Variants in PPIL4 observed in about 807,000 individuals in gnomAD.
PPIL4 encodes the protein peptidyl-prolyl cis-trans isomerase-like 4.
PPIL4 carries 50 observed loss-of-function variants against 69.1 expected under a neutral mutation model. The observed-to-expected ratio is 0.72, with a 90% confidence interval of 0.58 to 0.92. The LOEUF (loss-of-function observed/expected upper bound fraction) is 0.92. PPIL4 is among the 40% of genes least tolerant of loss of function. The pLI is 0.00. For missense variants in PPIL4, 480 were observed against 587.9 expected (o/e 0.82, Z 1.90); for synonymous variants, 193 against 191.6 (o/e 1.01, Z -0.06).
chr6:149,523,810 T>C (rs1203456516), intron 9 of PPIL4, among the ~76,000 whole-genome samples: 1 of 152,174 alleles, frequency 6.6e-6, no homozygotes, highest in African/African-American at 2.4e-5. Context: ...AAATAAATAA[T>C]AGATTCTATA....
Position 149,514,833 on chromosome 6 carries a change from AT to A in PPIL4, c.1079+2520del, listed in dbSNP as rs546149565. Among the ~76,000 whole-genome samples, 768 of 150,506 alleles carry A rather than the reference AT, an allele frequency of 5.1e-3. 5 individuals are homozygous for A. The highest frequency in any genetic ancestry group is 0.017 in the African/African-American group (696 of 40,934). On this transcript the variant is annotated intron_variant, in intron 11 of 12. Transcript: ENST00000253329. ...TGTATTGGGTTAAGACAAAAACTGT[AT>A]TTTTTTTAATTTTTTTTTTGAGACG...
chr6:149,512,189 T>C lies in PPIL4; in HGVS notation c.1193A>G (p.Asp398Gly). The change falls in exon 12 of 13, where the codon GAT becomes GGT. Residue 398 changes from aspartate to glycine, a missense_variant. Asp to Gly is a moderately conservative substitution (Grantham distance 94, BLOSUM62 -1). Coordinates refer to ENST00000253329, the MANE Select transcript of PPIL4 (RefSeq NM_139126.4). ...KTHHCSEEKE[D>G]EDYMPIKNTN... ...ATTTTTGATTGGCATGTAGTCCTCA[T>C]CTTCTTTCTCTTCAGAACAGTGATG... is the stretch of plus-strand genomic sequence containing the variant. The C allele has an allele frequency of 6.2e-7, 1 of 1,613,104 alleles. No homozygotes were observed. The highest frequency in any genetic ancestry group is 2.2e-5 in the East Asian group (1 of 44,798).
Position 149,525,062 on chromosome 6 carries a change from G to C in PPIL4, c.870+81C>G, listed in dbSNP as rs185053436. 1.8e-5 allele frequency: 13 copies of C among 726,736 alleles called. No homozygotes were observed. The Admixed American group carries it at 2.0e-4, about 11-fold the overall frequency. 45.0% of individuals were successfully genotyped at this position (726,736 alleles called of 1,614,324 possible). ...AAAGAAAGGGCAACTCTAGAAACTA[G>C]AAAAAGTTCTATAATTTTTCACATT... On this transcript the variant is annotated intron_variant, in intron 9 of 12. Transcript: ENST00000253329.
rs1392012681 is a variant in PPIL4, at chr6:149,546,038, G to A, written c.-33C>T. On this transcript the variant is annotated 5_prime_UTR_variant, in exon 1 of 13. Coordinates refer to ENST00000253329, the MANE Select transcript of PPIL4 (RefSeq NM_139126.4). Reference sequence around the variant, plus strand: ...GCTCCTCCTCCGCTACAAACCCCGGGAGGAGGGGGGTGACAGGCGCAGGCC... The same window carrying A: ...GCTCCTCCTCCGCTACAAACCCCGGAAGGAGGGGGGTGACAGGCGCAGGCC... 1.3e-6 allele frequency: 2 copies of A among 1,552,810 alleles called. No homozygotes were observed. The highest frequency in any genetic ancestry group is 1.7e-6 in the Non-Finnish European group (2 of 1,145,548).
At chr6:149,540,897 T>C in intron 4 of PPIL4, 45 bp downstream of exon 4, 1 of 1,196,468 alleles carries the variant, frequency 8.4e-7, no homozygotes, top group Non-Finnish European at 1.2e-6. Context: ...CTCCTTCCAG[T>C]CCTTCATTTC....
At chr6:149,528,067 G>T (rs1247051815) in intron 7 of PPIL4, among the ~76,000 whole-genome samples, 1 of 152,154 alleles carries the variant, frequency 6.6e-6, no homozygotes. Context: ...ACCAGCCCAC[G>T]CAACATAGTA....
rs1777349757 is a variant in PPIL4 at position 149,540,946 on chromosome 6, G to C, written c.317C>G (p.Ser106Cys). 1 of 1,561,844 alleles carries C rather than the reference G, an allele frequency of 6.4e-7. No individual in the cohort carries two copies. The highest frequency in any genetic ancestry group is 8.8e-7 in the Non-Finnish European group (1 of 1,133,960). ...TATTCTTACTCATTTCCTAACCTGA[G>C]ATCCATGTTGATCACTGCCATTATT... is the stretch of plus-strand genomic sequence containing the variant. ...MVNNGSDQHGSQFLITTGENL... is the reference protein window; with the variant it reads ...MVNNGSDQHGCQFLITTGENL... The change falls in exon 4 of 13, where the codon TCT becomes TGT. Residue 106 changes from serine to cysteine, a missense_variant. By Grantham distance (112) the Ser-to-Cys change is moderately radical. Transcript: ENST00000253329.
chr6:149,513,221 A>T (rs557114362), intron 11 of PPIL4, among the ~76,000 whole-genome samples: 1 of 146,932 alleles, frequency 6.8e-6, no homozygotes, highest in Non-Finnish European at 1.5e-5. Context: ...CCCCATCTCT[A>T]CTAAAAATAC....
intron 1 of PPIL4, among the ~76,000 whole-genome samples, chr6:149,544,006 G>A (rs1186528052): frequency 6.6e-6 from 1 of 152,224 alleles, no homozygotes; most frequent in Non-Finnish European, 1.5e-5. Context: ...ACACATGTAA[G>A]CACATCTCCA....
intron 12 of PPIL4, among the ~76,000 whole-genome samples, chr6:149,509,328 C>T (rs1437097753): frequency 1.3e-5 from 2 of 152,094 alleles, no homozygotes; most frequent in Non-Finnish European, 2.9e-5. Flanking sequence ...ATCAGAAAGA[C>T]TCACACAAAA....
chr6:149,519,262 T>C (rs527833448), intron 10 of PPIL4, among the ~76,000 whole-genome samples: 1 of 152,320 alleles, frequency 6.6e-6, no homozygotes, highest in South Asian at 2.1e-4. Context: ...CTCAAGATTA[T>C]GCCTCAAATT....
chr6:149,517,527 C>A, intron 10 of PPIL4, 77 bp from the exon 11 acceptor site: 1 of 658,208 alleles, frequency 1.5e-6, no homozygotes. Flanking sequence ...TTATAAAAAG[C>A]ATAAGAGCTA....
intron 10 of PPIL4, among the ~76,000 whole-genome samples, chr6:149,519,123 C>A (rs1337996230): frequency 6.6e-6 from 1 of 151,974 alleles, no homozygotes; most frequent in Non-Finnish European, 1.5e-5. Context: ...TTAAAAGTCA[C>A]AAGAAAGTAG....
At chr6:149,544,261 G>A (rs1362848487) in intron 1 of PPIL4, among the ~76,000 whole-genome samples, 3 of 152,112 alleles carry the variant, frequency 2.0e-5, no homozygotes, top group African/African-American at 7.2e-5. Context: ...TGAAACACTC[G>A]ATCCAGCCAC....
At chr6:149,517,489 A>G in intron 10 of PPIL4, 39 bp from the exon 11 acceptor site, 1 of 932,632 alleles carries the variant, frequency 1.1e-6, no homozygotes, top group Non-Finnish European at 1.6e-6. Context: ...TTAGTAAAAA[A>G]ACCACCTAAC....
chr6:149,520,137 TGTTA>T (rs1419848301), intron 10 of PPIL4, among the ~76,000 whole-genome samples: 2 of 152,198 alleles, frequency 1.3e-5, no homozygotes, highest in Non-Finnish European at 2.9e-5. Context: ...TTAGATACAC[TGTTA>T]ATTAAAAAAT....
rs1335984103 is a variant in PPIL4, at chr6:149,525,142, C to A, written c.870+1G>T. 1 of 1,480,170 alleles carries A rather than the reference C, an allele frequency of 6.8e-7. No homozygotes were observed. The highest frequency in any genetic ancestry group is 2.3e-5 in the East Asian group (1 of 43,318). 91.7% of individuals were successfully genotyped at this position (1,480,170 alleles called of 1,614,324 possible). On this transcript the variant is annotated splice_donor_variant, in intron 9 of 12. Coordinates refer to ENST00000253329, the MANE Select transcript of PPIL4 (RefSeq NM_139126.4). LOFTEE classifies it high-confidence loss of function. ...AAACTTATGTCTGTATTATGACATA[C>A]CTTTTCAAATTCAATAAAAGCGTAA... is the stretch of plus-strand genomic sequence containing the variant.
At position 149,506,527 on chromosome 6, in the gene PPIL4, G is replaced by A. The variant is rs117479899; in HGVS notation, c.1228-823C>T. Among the ~76,000 whole-genome samples the A allele has an allele frequency of 2.3e-3, 348 of 152,262 alleles. 4 individuals carry two copies. Among genetic ancestry groups the A allele is most frequent in the Admixed American group, 0.018 (280 of 15,288 alleles). On this transcript the variant is annotated intron_variant, in intron 12 of 12. Coordinates refer to ENST00000253329, the MANE Select transcript of PPIL4 (RefSeq NM_139126.4). ...GGTCTGAGCAATTAATTTTTAAAGT[G>A]TTTTATTTTATAACAGCTCCTCTCT...
At chr6:149,517,249 A>G (rs1023194366) in intron 11 of PPIL4, 105 bp downstream of exon 11, 5 of 659,550 alleles carry the variant, frequency 7.6e-6, no homozygotes, top group Non-Finnish European at 1.3e-5. Flanking sequence ...GATTCAGGAA[A>G]TTTGTCTTCT....
Sources: allele counts gnomAD v4.1 joint callset (sites outside exome capture counted in the v4.1 genomes callset), GRCh38; gene constraint gnomAD v4.1.1; transcripts MANE v1.5; gene names NCBI Gene and HGNC (gene_info 2026-07-23, HGNC 2026-07-21).